The following VPS13B variants were observed in gnomAD, a reference collection of about 807,000 sequenced individuals.
VPS13B encodes the protein vacuolar protein sorting 13 homolog B.
Under a neutral mutation model 426.4 loss-of-function variants are expected in VPS13B, and 285 were observed. The observed-to-expected ratio is 0.67, with a 90% CI of 0.61 to 0.74. The LOEUF is 0.74. Ranked by LOEUF, VPS13B falls within the 30% of genes least tolerant of loss-of-function variation. The probability of loss-of-function intolerance (pLI) is 0.00; values close to 1 mark genes in which losing one functional copy is unlikely to be tolerated. For synonymous variants in VPS13B, 1,676 were observed against 1,676.4 expected (o/e 1.00, Z 0.01); for missense variants, 4,537 against 4,782.6 (o/e 0.95, Z 1.51).
At chr8:99,786,036 T>C (rs1224253383) in intron 43 of VPS13B, among the ~76,000 whole-genome samples, 1 of 152,164 alleles carries the variant, frequency 6.6e-6, no homozygotes, top group East Asian at 1.9e-4. Context: ...AGCTTGCATA[T>C]CCCTCAGAGA....
intron 55 of VPS13B, among the ~76,000 whole-genome samples, chr8:99,849,626 G>A (rs1414444760): frequency 6.6e-6 from 1 of 152,158 alleles, no homozygotes; most frequent in East Asian, 1.9e-4. Context: ...TTTTAAGTGT[G>A]TTAGGAGTTT....
chr8:99,520,652 GTTGT>G (rs1436091409), intron 29 of VPS13B, among the ~76,000 whole-genome samples: 2 of 151,934 alleles, frequency 1.3e-5, no homozygotes, highest in East Asian at 3.9e-4. Flanking sequence ...TGGGAGTGGA[GTTGT>G]TTTTCTTTTC....
chr8:99,371,918 C>G (rs1284988568), intron 19 of VPS13B, among the ~76,000 whole-genome samples: 1 of 152,070 alleles, frequency 6.6e-6, no homozygotes, highest in Admixed American at 6.6e-5. Flanking sequence ...AAAAACCCTA[C>G]AAGAAAACCT....
chr8:99,256,282 A>G (rs1349961689), intron 17 of VPS13B, among the ~76,000 whole-genome samples: 2 of 151,986 alleles, frequency 1.3e-5, no homozygotes, highest in Admixed American at 1.3e-4. Context: ...TATATACCAC[A>G]TTTTGCTTAT....
chr8:99,541,003 C>G (rs1280076146), intron 30 of VPS13B, among the ~76,000 whole-genome samples: 1 of 152,030 alleles, frequency 6.6e-6, no homozygotes, highest in East Asian at 1.9e-4. Context: ...TAAAAACTGC[C>G]AAATGTACAT....
intron 2 of VPS13B, among the ~76,000 whole-genome samples, chr8:99,024,920 CATGAG>C (rs1390339346): frequency 2.6e-5 from 4 of 152,140 alleles, no homozygotes; most frequent in Admixed American, 6.5e-5. Flanking sequence ...AATTCATGAA[CATGAG>C]ATGTCTTTCT....
Position 99,848,778 on chromosome 8 carries a change from T to G in VPS13B, c.9945T>G (p.Val3315=), listed in dbSNP as rs1479709334. The stretch of plus-strand genomic sequence containing the variant: ...GATTTTGAATATTCTTTCTGCAGGT[T>G]GTGTTCCTGACTGGCTTTGGCTATG... The part of the protein sequence containing the change: ...AIDINSQGTQ[V]VFLTGFGYVY... The change falls in exon 55 of 62, where the codon GTT becomes GTG. Residue 3315 remains valine, a splice_region_variant and synonymous_variant. Transcript: ENST00000357162. The G allele has an allele frequency of 1.9e-6, 3 of 1,613,980 alleles. No individual in the cohort carries two copies. The highest frequency in any genetic ancestry group is 1.7e-6 in the Non-Finnish European group (2 of 1,179,840).
intron 19 of VPS13B, among the ~76,000 whole-genome samples, chr8:99,339,867 T>A (rs1275592165): frequency 6.6e-6 from 1 of 152,208 alleles, no homozygotes; most frequent in Non-Finnish European, 1.5e-5. Flanking sequence ...AACTAAAATT[T>A]GTTGGACAGA....
chr8:99,861,550 C>T (rs541794675), intron 57 of VPS13B, among the ~76,000 whole-genome samples: 17 of 152,364 alleles, frequency 1.1e-4, no homozygotes, highest in African/African-American at 3.4e-4. Context: ...AATCCTCCTG[C>T]GCTGGCCTCC....
At chr8:99,163,217 T>C (rs1228334619) in intron 15 of VPS13B, among the ~76,000 whole-genome samples, 2 of 152,182 alleles carry the variant, frequency 1.3e-5, no homozygotes, top group African/African-American at 4.8e-5. Context: ...AGAGTGACGA[T>C]TGGTGCATTC....
intron 35 of VPS13B, among the ~76,000 whole-genome samples, chr8:99,662,126 T>C (rs767263933): frequency 6.6e-6 from 1 of 152,180 alleles, no homozygotes; most frequent in African/African-American, 2.4e-5. Context: ...CCTAAGGTCA[T>C]AGTGACAGAG....
At chr8:99,359,472 C>T (rs1431642826) in intron 19 of VPS13B, among the ~76,000 whole-genome samples, 2 of 151,910 alleles carry the variant, frequency 1.3e-5, no homozygotes, top group Non-Finnish European at 2.9e-5. Flanking sequence ...GGCTAAGAAT[C>T]GTAAGTAATG....
At chr8:99,556,103 G>A (rs1439871537) in intron 30 of VPS13B, among the ~76,000 whole-genome samples, 4 of 152,118 alleles carry the variant, frequency 2.6e-5, no homozygotes, top group Non-Finnish European at 5.9e-5. Flanking sequence ...CAAACTCTGT[G>A]AATTATTTTC....
intron 19 of VPS13B, among the ~76,000 whole-genome samples, chr8:99,367,120 T>C (rs1289887815): frequency 6.6e-6 from 1 of 152,242 alleles, no homozygotes; most frequent in Non-Finnish European, 1.5e-5. Flanking sequence ...GATGTTTTCT[T>C]ATTGCTTAAT....
chr8:99,060,687 A>C (rs564145686), intron 3 of VPS13B, among the ~76,000 whole-genome samples: 2 of 152,292 alleles, frequency 1.3e-5, no homozygotes, highest in South Asian at 2.1e-4. Flanking sequence ...ATGGCATATG[A>C]AAATGAAACT....
At chr8:99,802,176 G>A (rs959274541) in intron 43 of VPS13B, among the ~76,000 whole-genome samples, 17 of 151,398 alleles carry the variant, frequency 1.1e-4, no homozygotes, top group African/African-American at 4.1e-4. Flanking sequence ...AACAAGCTGT[G>A]GCCCTAGGGA....
chr8:99,257,542 G>A (rs1424668847), intron 17 of VPS13B, among the ~76,000 whole-genome samples: 1 of 136,776 alleles, frequency 7.3e-6, no homozygotes, highest in East Asian at 2.1e-4. Flanking sequence ...AAACAGACGT[G>A]CATGTGAGTG....
At chr8:99,503,713 A>T (rs1821352306) in intron 27 of VPS13B, among the ~76,000 whole-genome samples, 1 of 152,204 alleles carries the variant, frequency 6.6e-6, no homozygotes, top group Non-Finnish European at 1.5e-5. Context: ...ATAGCAATTC[A>T]GCCCCATCTT....
chr8:99,029,065 G>A (rs1335756070), intron 2 of VPS13B, among the ~76,000 whole-genome samples: 1 of 150,886 alleles, frequency 6.6e-6, no homozygotes, highest in Admixed American at 6.6e-5. Context: ...CTCAGACGGG[G>A]CGGCCGGGCA....
Sources: gnomAD v4.1 joint callset for allele counts (sites outside exome capture counted in the v4.1 genomes callset) on GRCh38, gnomAD v4.1.1 for gene constraint, MANE v1.5 for transcripts, NCBI Gene and HGNC (gene_info 2026-07-23, HGNC 2026-07-21) for gene names.